Variants in SAMD12 observed in about 807,000 individuals in gnomAD.
SAMD12 encodes the protein sterile alpha motif domain-containing protein 12.
SAMD12 carries 9 observed loss-of-function variants against 15.0 expected under a neutral mutation model. The ratio of observed to expected loss-of-function variants is 0.60; its 90% confidence interval spans 0.36 to 1.05. The LOEUF is 1.05. Ranked by LOEUF, SAMD12 falls within the 50% of genes least tolerant of loss-of-function variation. The pLI is 0.01. For missense variants in SAMD12, 230 were observed against 234.2 expected (o/e 0.98, Z 0.12); for synonymous variants, 86 against 90.1 (o/e 0.96, Z 0.25).
intron 1 of SAMD12, among the ~76,000 whole-genome samples, chr8:118,600,613 G>T (rs1247425364): frequency 6.6e-6 from 1 of 152,126 alleles, no homozygotes; most frequent in Admixed American, 6.5e-5. Flanking sequence ...TAGATGAAAA[G>T]ATATTTCTCT....
intron 2 of SAMD12, among the ~76,000 whole-genome samples, chr8:118,538,109 G>C (rs76624631): frequency 0.016 from 2,380 of 152,302 alleles, 57 homozygotes; most frequent in African/African-American, 0.052. Context: ...GGATTACCAG[G>C]AAAGACCCTT....
At chr8:118,135,795 T>A in the SAMD12 span, among the ~76,000 whole-genome samples, 2 of 152,068 alleles carry the variant, frequency 1.3e-5, no homozygotes, top group Admixed American at 6.6e-5. Context: ...GGAGGCCTGC[T>A]GCCTTGGCCT....
At chr8:118,269,436 G>A (rs1468630725) in intron 4 of SAMD12, among the ~76,000 whole-genome samples, 2 of 152,090 alleles carry the variant, frequency 1.3e-5, no homozygotes, top group Admixed American at 6.6e-5. Context: ...TGAAGAAAAT[G>A]AGGCCCATTC....
chr8:118,558,064 C>T (rs951878247), intron 2 of SAMD12, among the ~76,000 whole-genome samples: 1 of 152,150 alleles, frequency 6.6e-6, no homozygotes, highest in Admixed American at 6.5e-5. Flanking sequence ...TTTGCCATTA[C>T]AAATAATTCT....
chr8:118,164,298 C>T, the SAMD12 span, among the ~76,000 whole-genome samples: 1 of 152,140 alleles, frequency 6.6e-6, no homozygotes, highest in African/African-American at 2.4e-5. Context: ...TGAAGCATCT[C>T]CTCTTGTCTT....
At chr8:118,360,967 A>C (rs1053510985) in intron 4 of SAMD12, among the ~76,000 whole-genome samples, 8 of 152,144 alleles carry the variant, frequency 5.3e-5, no homozygotes, top group African/African-American at 1.7e-4. Flanking sequence ...CTCTTCCACG[A>C]GTGTCTAAAG....
intron 4 of SAMD12, among the ~76,000 whole-genome samples, chr8:118,223,142 G>T (rs922903124): frequency 4.6e-5 from 7 of 152,182 alleles, no homozygotes; most frequent in African/African-American, 1.7e-4. Flanking sequence ...TGTTGCTGAT[G>T]ATGTAAAAAC....
chr8:118,590,467 A>T (rs1827560634), intron 1 of SAMD12, among the ~76,000 whole-genome samples: 1 of 152,206 alleles, frequency 6.6e-6, no homozygotes, highest in Non-Finnish European at 1.5e-5. Flanking sequence ...AGTTTATGAG[A>T]GGTGAGCCTT....
At chr8:118,377,411 C>G (rs1819443731), downstream of SAMD12, among the ~76,000 whole-genome samples, 1 of 151,784 alleles carries the variant, frequency 6.6e-6, no homozygotes, top group African/African-American at 2.4e-5. Context: ...AAAACCAAAA[C>G]CAAAACCAAA....
At chr8:118,614,852 T>C (rs1322130611) in intron 1 of SAMD12, among the ~76,000 whole-genome samples, 1 of 152,158 alleles carries the variant, frequency 6.6e-6, no homozygotes, top group Non-Finnish European at 1.5e-5. Flanking sequence ...AGACTAAATA[T>C]AGCCAAGTTT....
intron 2 of SAMD12, among the ~76,000 whole-genome samples, chr8:118,493,718 G>A (rs1277225001): frequency 6.6e-6 from 1 of 152,142 alleles, no homozygotes; most frequent in Non-Finnish European, 1.5e-5. Flanking sequence ...CAAGTTGAAG[G>A]TCACATAACC....
chr8:118,388,571 T>G (rs1016899392), intron 3 of SAMD12, among the ~76,000 whole-genome samples: 1 of 152,182 alleles, frequency 6.6e-6, no homozygotes, highest in African/African-American at 2.4e-5. Flanking sequence ...ATAACGTAAG[T>G]AAGCTCCATG....
At chr8:118,247,781 C>T (rs1274791503) in intron 4 of SAMD12, among the ~76,000 whole-genome samples, 1 of 152,018 alleles carries the variant, frequency 6.6e-6, no homozygotes, top group Non-Finnish European at 1.5e-5. Flanking sequence ...TTAGTAGAGA[C>T]AGGGTTTCAC....
chr8:118,553,540 A>T (rs1826419136), intron 2 of SAMD12, among the ~76,000 whole-genome samples: 3 of 152,052 alleles, frequency 2.0e-5, no homozygotes, highest in Admixed American at 2.0e-4. Flanking sequence ...TTCAAGATGG[A>T]TTAAAGACTT....
At chr8:118,445,100 CTCTTT>C (rs1822872178) in intron 2 of SAMD12, among the ~76,000 whole-genome samples, 1 of 152,146 alleles carries the variant, frequency 6.6e-6, no homozygotes, top group South Asian at 2.1e-4. Context: ...TCCCAGTCCT[CTCTTT>C]TATTAACTTT....
chr8:118,600,738 C>A (rs1011296776), intron 1 of SAMD12, among the ~76,000 whole-genome samples: 2 of 152,032 alleles, frequency 1.3e-5, no homozygotes, highest in Non-Finnish European at 2.9e-5. Context: ...ATCTCAAGAG[C>A]CTTGAAGTCT....
chr8:118,265,333 G>A (rs1397372226), intron 4 of SAMD12, among the ~76,000 whole-genome samples: 1 of 152,070 alleles, frequency 6.6e-6, no homozygotes, highest in Non-Finnish European at 1.5e-5. Context: ...GCATAATAAA[G>A]CATTATTTAT....
In SAMD12 at chr8:118,528,169, G is replaced by A. The variant is rs564704376; in HGVS notation, c.192+52546C>T. On this transcript the variant is annotated intron_variant, in intron 2 of 3. Transcript: ENST00000314727. ...AGCCTCCCAAGTAGCTGGGATTACA[G>A]GCACTCGCCACCATAATCAGCTAAT... 6.4e-4 allele frequency among the ~76,000 whole-genome samples: 97 copies of A among 152,270 alleles called. 1 individual carries two copies. The Middle Eastern group carries it at 0.027, about 43-fold the overall frequency.
chr8:118,347,679 T>A (rs925001425), intron 4 of SAMD12, among the ~76,000 whole-genome samples: 4 of 152,252 alleles, frequency 2.6e-5, no homozygotes, highest in African/African-American at 9.6e-5. Context: ...TATAACATCC[T>A]GTTGATACAA....
Sources: allele counts gnomAD v4.1 joint callset (sites outside exome capture counted in the v4.1 genomes callset), GRCh38; gene constraint gnomAD v4.1.1; transcripts MANE v1.5; gene names NCBI Gene and HGNC (gene_info 2026-07-23, HGNC 2026-07-21).